KAZN: variants seen among roughly 807,000 people sequenced by gnomAD.
KAZN encodes the protein kazrin.
KAZN carries 40 observed loss-of-function variants against 87.4 expected under a neutral mutation model. The observed-to-expected ratio is 0.46, with a 90% confidence interval of 0.36 to 0.60. The LOEUF (loss-of-function observed/expected upper bound fraction) is 0.60. KAZN is among the 20% of genes least tolerant of loss of function. The pLI, the probability that KAZN is intolerant of heterozygous loss-of-function variation, is 0.00. For missense variants in KAZN, 898 were observed against 1,073.9 expected, an observed-to-expected ratio of 0.84 and a Z score of 2.29; for synonymous variants, 466 against 458.3, an observed-to-expected ratio of 1.02 and a Z score of -0.22.
intron 2 of KAZN, among the ~76,000 whole-genome samples, chr1:14,351,576 C>T (rs572865205): frequency 5.3e-5 from 8 of 152,194 alleles, no homozygotes; most frequent in Admixed American, 3.9e-4. Context: ...AACAAACAAA[C>T]AAACAAAACA....
chr1:14,774,468 ATTTTTT>A (rs35723980), intron 1 of KAZN, among the ~76,000 whole-genome samples: 1 of 131,286 alleles, frequency 7.6e-6, no homozygotes. Flanking sequence ...TCTTGAACAG[ATTTTTT>A]TTTTTTTTTT....
chr1:14,528,609 C>T (rs1414962889), intron 2 of KAZN, among the ~76,000 whole-genome samples: 1 of 151,250 alleles, frequency 6.6e-6, no homozygotes, highest in Admixed American at 6.6e-5. Flanking sequence ...ACCAGGTTGG[C>T]GTCGTGGCAC....
chr1:14,512,194 G>A, intron 2 of KAZN, among the ~76,000 whole-genome samples: 1 of 152,154 alleles, frequency 6.6e-6, no homozygotes, highest in South Asian at 2.1e-4. Flanking sequence ...GGAGAAAGGA[G>A]TTTGTCCAGG....
Position 14,773,833 on chromosome 1 carries a change from C to T in KAZN, c.226+174610C>T, listed in dbSNP as rs374078779. ...GCCCAGGCCAGGCCTGCTCTCCTCC[C>T]CTCCCCTCCAAAGAAAACACCATCT... On this transcript the variant is annotated intron_variant, in intron 1 of 14. Coordinates refer to ENST00000376030, the MANE Select transcript of KAZN (RefSeq NM_201628.3). The surrounding 1 kb of genome is among the most constrained non-coding windows in gnomAD (Gnocchi z 5.9). 6.6e-6 allele frequency among the ~76,000 whole-genome samples: 1 copy of T among 152,182 alleles called. No homozygotes were observed. Among genetic ancestry groups the T allele is most frequent in the African/African-American group, 2.4e-5 (1 of 41,446 alleles).
chr1:14,742,592 G>T (rs1299867256), intron 1 of KAZN, among the ~76,000 whole-genome samples: 1 of 152,188 alleles, frequency 6.6e-6, no homozygotes, highest in Non-Finnish European at 1.5e-5. Flanking sequence ...AAGCCTGGAG[G>T]TTTCTCTCCC....
rs948808445 is a variant in KAZN at position 14,835,663 on chromosome 1, G to A, written c.227-125021G>A. On this transcript the variant is annotated intron_variant, in intron 1 of 14. Transcript: ENST00000376030. Reference sequence around the variant, plus strand: ...ACCCAGACCTCTATGTTAATAGTGCGTTCCAAGAGCCACTTGTCACTGGAA... The same window carrying A: ...ACCCAGACCTCTATGTTAATAGTGCATTCCAAGAGCCACTTGTCACTGGAA... Among the ~76,000 whole-genome samples the A allele has an allele frequency of 3.9e-4, 60 of 152,214 alleles. 1 individual carries two copies. The highest frequency in any genetic ancestry group is 3.4e-3 in the Middle Eastern group (1 of 294).
intron 2 of KAZN, among the ~76,000 whole-genome samples, chr1:14,471,194 T>C (rs1055669564): frequency 6.6e-6 from 1 of 152,156 alleles, no homozygotes; most frequent in Non-Finnish European, 1.5e-5. Flanking sequence ...TCAGCCACTA[T>C]ATTTTAGGGT....
At chr1:13,969,199 GA>G (rs1270417570) in intron 1 of KAZN, among the ~76,000 whole-genome samples, 6 of 152,152 alleles carry the variant, frequency 3.9e-5, no homozygotes, top group East Asian at 1.9e-4. Context: ...GTGTGTCCCT[GA>G]AAAATTCATA....
chr1:14,732,147 C>T (rs1447270555), intron 1 of KAZN, among the ~76,000 whole-genome samples: 1 of 152,210 alleles, frequency 6.6e-6, no homozygotes, highest in Non-Finnish European at 1.5e-5. Context: ...TTCCATTCCG[C>T]TACATTCCCT....
At chr1:13,949,066 A>G (rs974445865) in intron 1 of KAZN, among the ~76,000 whole-genome samples, 2 of 152,196 alleles carry the variant, frequency 1.3e-5, no homozygotes, top group African/African-American at 4.8e-5. Context: ...CAGAACTCAA[A>G]CCCAGGTTTT....
intron 1 of KAZN, among the ~76,000 whole-genome samples, chr1:14,855,485 C>T (rs1649988515): frequency 6.6e-6 from 1 of 152,222 alleles, no homozygotes; most frequent in Non-Finnish European, 1.5e-5. Context: ...ATTTGCCACC[C>T]AGTTGGATGG....
chr1:14,492,739 A>G (rs952290587), intron 2 of KAZN, among the ~76,000 whole-genome samples: 1 of 6,094 alleles, frequency 1.6e-4, no homozygotes, highest in Admixed American at 2.0e-3. Flanking sequence ...CACATACAGC[A>G]CACACACCAC....
intron 2 of KAZN, among the ~76,000 whole-genome samples, chr1:15,007,638 TC>T (rs1669158816): frequency 1.3e-5 from 2 of 152,150 alleles, no homozygotes; most frequent in African/African-American, 2.4e-5. Flanking sequence ...GCCCTCCCCT[TC>T]CTTCCCTTCC....
intron 1 of KAZN, among the ~76,000 whole-genome samples, chr1:14,063,389 A>G (rs1642870742): frequency 6.6e-6 from 1 of 152,212 alleles, no homozygotes; most frequent in Non-Finnish European, 1.5e-5. Flanking sequence ...TTGCCTGTTA[A>G]GAGACTTTCA....
chr1:14,035,475 T>TC (rs1441716116), intron 1 of KAZN, among the ~76,000 whole-genome samples: 47 of 151,736 alleles, frequency 3.1e-4, no homozygotes, highest in African/African-American at 1.1e-3. Context: ...TTTTTTTTTT[T>TC]CTGAGACAGG....
At chr1:14,849,247 C>T (rs1174242201) in intron 1 of KAZN, among the ~76,000 whole-genome samples, 1 of 152,138 alleles carries the variant, frequency 6.6e-6, no homozygotes, top group Non-Finnish European at 1.5e-5. Flanking sequence ...AAGTGGTAAC[C>T]AGAGTCGCAG....
At chr1:14,163,280 G>A (rs961216837) in intron 1 of KAZN, among the ~76,000 whole-genome samples, 3 of 152,174 alleles carry the variant, frequency 2.0e-5, no homozygotes, top group Admixed American at 6.5e-5. Flanking sequence ...AGGGCCAAGC[G>A]GGTGACTTGA....
At chr1:14,180,423 T>A (rs1354144099) in intron 1 of KAZN, 8 of 1,544,210 alleles carry the variant, frequency 5.2e-6, no homozygotes, top group Non-Finnish European at 7.0e-6. Context: ...TTCCTTCTTT[T>A]TCTTTCCACA....
chr1:14,639,439 T>C (rs1179565137), intron 1 of KAZN, among the ~76,000 whole-genome samples: 4 of 152,152 alleles, frequency 2.6e-5, no homozygotes, highest in African/African-American at 9.7e-5. Context: ...TGGTCAAATG[T>C]CCCCTGTGGT....
Sources: allele counts gnomAD v4.1 joint callset (sites outside exome capture counted in the v4.1 genomes callset), GRCh38; gene constraint gnomAD v4.1.1; non-coding constraint Gnocchi (gnomAD v3.1); transcripts MANE v1.5; gene names NCBI Gene and HGNC (gene_info 2026-07-23, HGNC 2026-07-21).